Variants in ABCA13 observed in about 807,000 individuals in gnomAD.
The protein encoded by ABCA13 is ATP binding cassette subfamily A member 13, also known as ATP-binding cassette sub-family A member 13.
Under a neutral mutation model 478.7 loss-of-function variants are expected in ABCA13, and 476 were observed. The ratio of observed to expected loss-of-function variants is 0.99; its 90% CI spans 0.92 to 1.07. The LOEUF (loss-of-function observed/expected upper bound fraction) is 1.07. ABCA13 is among the 50% of genes least tolerant of loss of function. The pLI is 0.00. For missense variants in ABCA13, 6,060 were observed against 5,910.6 expected (o/e 1.03, Z -0.83); for synonymous variants, 2,252 against 2,158.9 (o/e 1.04, Z -1.20).
chr7:48,459,123 T>G (rs1353107356), intron 43 of ABCA13, among the ~76,000 whole-genome samples: 1 of 152,146 alleles, frequency 6.6e-6, no homozygotes, highest in Non-Finnish European at 1.5e-5. Flanking sequence ...CTGTGCCTGT[T>G]TAGGGTGGAG....
chr7:48,572,830 T>C (rs1248632394), intron 55 of ABCA13, among the ~76,000 whole-genome samples: 1 of 152,178 alleles, frequency 6.6e-6, no homozygotes, highest in Non-Finnish European at 1.5e-5. Flanking sequence ...CATAGATGTT[T>C]CAAAGAATGC....
intron 5 of ABCA13, among the ~76,000 whole-genome samples, chr7:48,226,183 G>A (rs941596511): frequency 6.6e-6 from 1 of 152,146 alleles, no homozygotes; most frequent in Non-Finnish European, 1.5e-5. Flanking sequence ...GGTGATTCAA[G>A]CAGGTGGAAG....
chr7:48,489,544 T>C (rs1829656290), intron 48 of ABCA13, among the ~76,000 whole-genome samples, 200 bp downstream of exon 48: 1 of 152,190 alleles, frequency 6.6e-6, no homozygotes, highest in South Asian at 2.1e-4. Flanking sequence ...CTTTATTTTC[T>C]TGAACCTGTA....
chr7:48,391,776 C>A, intron 37 of ABCA13, 145 bp from the exon 38 acceptor site: 1 of 718,264 alleles, frequency 1.4e-6, no homozygotes. Context: ...CTACTCACAC[C>A]TTTTAACTGA....
At chr7:48,219,646 GC>G in intron 4 of ABCA13, 141 bp downstream of exon 4, 2 of 1,115,256 alleles carry the variant, frequency 1.8e-6, no homozygotes, top group South Asian at 1.7e-5. Flanking sequence ...GATGGATGAG[GC>G]CAGCACCTGC....
At position 48,391,897 on chromosome 7, in the gene ABCA13, A is replaced by C. The variant is rs950081252; in HGVS notation, c.11655-24A>C. 2.5e-6 allele frequency: 4 copies of C among 1,606,598 alleles called. No individual in the cohort carries two copies. The African/African-American group carries it at 5.4e-5, about 21-fold the overall frequency. Reference sequence around the variant, plus strand: ...ACAGTATCAGCAACGCGTATTCTCCATGCTGTCTTATTTTCTCTGGCAGAT... The same window carrying C: ...ACAGTATCAGCAACGCGTATTCTCCCTGCTGTCTTATTTTCTCTGGCAGAT... On this transcript the variant is annotated intron_variant, in intron 37 of 61. Coordinates refer to ENST00000435803, the MANE Select transcript of ABCA13 (RefSeq NM_152701.5).
chr7:48,404,801 G>A (rs578193497), intron 39 of ABCA13: 1 of 152,344 alleles, frequency 6.6e-6, no homozygotes, highest in East Asian at 1.9e-4. Context: ...ATAGGCTGGA[G>A]TCAGAAAGGA....
chr7:48,497,444 T>TG (rs1413085807), intron 48 of ABCA13, among the ~76,000 whole-genome samples: 2 of 152,198 alleles, frequency 1.3e-5, no homozygotes, highest in Non-Finnish European at 2.9e-5. Flanking sequence ...CTTTTTCAAC[T>TG]GGTAATATTC....
intron 4 of ABCA13, among the ~76,000 whole-genome samples, chr7:48,220,150 G>A (rs1468948879): frequency 6.6e-6 from 1 of 152,112 alleles, no homozygotes; most frequent in Non-Finnish European, 1.5e-5. Flanking sequence ...AGTAGGGAAA[G>A]TTAGGATGGA....
In ABCA13 at chr7:48,198,373, C is replaced by A. The variant is rs781544603; in HGVS notation, c.287+13C>A. ...AGCATCATTTTCGGTAAGAGAAACA[C>A]AAAGATCTTTTTCAGAAATCTCAGA... is the stretch of plus-strand genomic sequence containing the variant. On this transcript the variant is annotated intron_variant, in intron 3 of 61. Coordinates refer to ENST00000435803, the MANE Select transcript of ABCA13 (RefSeq NM_152701.5). 2 of 1,612,540 alleles carry A rather than the reference C, an allele frequency of 1.2e-6. No individual in the cohort carries two copies. Among genetic ancestry groups the A allele is most frequent in the East Asian group, 2.2e-5 (1 of 44,836 alleles).
At chr7:48,363,210 A>G (rs1351887753) in intron 31 of ABCA13, among the ~76,000 whole-genome samples, 1 of 152,142 alleles carries the variant, frequency 6.6e-6, no homozygotes, top group Non-Finnish European at 1.5e-5. Context: ...TCTTTGTAGC[A>G]TTTATATTTG....
chr7:48,450,417 C>T (rs1400792284), intron 42 of ABCA13, among the ~76,000 whole-genome samples: 1 of 152,164 alleles, frequency 6.6e-6, no homozygotes, highest in Non-Finnish European at 1.5e-5. Context: ...AATCTCACCA[C>T]AAGAATATAA....
intron 54 of ABCA13, among the ~76,000 whole-genome samples, chr7:48,525,477 A>C (rs565175440): frequency 1.1e-3 from 171 of 152,224 alleles, no homozygotes; most frequent in African/African-American, 3.8e-3. Flanking sequence ...AATTTATTTG[A>C]TTATAGTTTT....
chr7:48,549,192 G>T (rs1401091474), intron 55 of ABCA13, among the ~76,000 whole-genome samples: 2 of 151,616 alleles, frequency 1.3e-5, no homozygotes, highest in Non-Finnish European at 3.0e-5. Context: ...TTAGGTATTT[G>T]TCCTAATGCT....
At chr7:48,322,215 A>G (rs1426745751) in intron 27 of ABCA13, among the ~76,000 whole-genome samples, 1 of 152,202 alleles carries the variant, frequency 6.6e-6, no homozygotes, top group African/African-American at 2.4e-5. Flanking sequence ...TGGCAGCCCT[A>G]CGTTGGGAAC....
chr7:48,293,198 C>CG (rs1554419711), intron 20 of ABCA13, among the ~76,000 whole-genome samples: 4 of 134,772 alleles, frequency 3.0e-5, no homozygotes, highest in Non-Finnish European at 6.8e-5. Flanking sequence ...TTCAGCCCCC[C>CG]CCCCGCCACA....
At position 48,275,081 on chromosome 7, in the gene ABCA13, A is replaced by G. The variant is rs1334014047; in HGVS notation, c.5415A>G (p.Val1805=). The G allele has an allele frequency of 5.6e-6, 9 of 1,613,230 alleles. No individual in the cohort carries two copies. The Admixed American group carries it at 1.3e-4, about 24-fold the overall frequency. The part of the protein sequence containing the change: ...IKILLDTIEL[V]SDKPDIISEA... ...TTCTTTTGGATACAATTGAATTAGT[A>G]TCAGATAAGCCAGATATTATTTCAG... The change falls in exon 17 of 62, where the codon GTA becomes GTG. Residue 1805 remains valine (V), a synonymous_variant. Coordinates refer to ENST00000435803, the MANE Select transcript of ABCA13 (RefSeq NM_152701.5).
At chr7:48,200,549 T>C (rs953481071) in intron 3 of ABCA13, among the ~76,000 whole-genome samples, 1 of 152,224 alleles carries the variant, frequency 6.6e-6, no homozygotes, top group Non-Finnish European at 1.5e-5. Flanking sequence ...CTCACCAGCA[T>C]TGCAAAGCCT....
At position 48,390,612 on chromosome 7, in the gene ABCA13, C is replaced by T. The variant is rs954234445; in HGVS notation, c.11655-1309C>T. ...GCTGCTCCAAGGTTTCCTGTGCTCT[C>T]CTTTGACCCTGGCCTTCATGTGACC... On this transcript the variant is annotated intron_variant, in intron 37 of 61. Transcript: ENST00000435803. 9.2e-5 allele frequency among the ~76,000 whole-genome samples: 14 copies of T among 152,358 alleles called. No homozygotes were observed. In the South Asian group the frequency reaches 2.7e-3, roughly 29 times the overall value.
Sources: gnomAD v4.1 joint callset for allele counts (sites outside exome capture counted in the v4.1 genomes callset) on GRCh38, gnomAD v4.1.1 for gene constraint, MANE v1.5 for transcripts, NCBI Gene and HGNC (gene_info 2026-07-23, HGNC 2026-07-21) for gene names.